The following TDP1 variants were observed in gnomAD, a reference collection of about 807,000 sequenced individuals.
TDP1 encodes tyr-DNA phosphodiesterase 1.
TDP1 carries 64 observed loss-of-function variants against 81.5 expected under a neutral mutation model. The ratio of observed to expected loss-of-function variants is 0.79; its 90% CI spans 0.64 to 0.97. TDP1 has a LOEUF of 0.97. Ranked by LOEUF, TDP1 falls within the 50% of genes least tolerant of loss-of-function variation. TDP1 has a pLI of 0.00. For missense variants in TDP1, 723 were observed against 743.8 expected (o/e 0.97, Z 0.33); for synonymous variants, 256 against 264.3 (o/e 0.97, Z 0.30).
intron 14 of TDP1, among the ~76,000 whole-genome samples, chr14:90,002,257 T>C (rs1468447681): frequency 6.6e-6 from 1 of 152,160 alleles, no homozygotes; most frequent in Non-Finnish European, 1.5e-5. Context: ...TCATCCAGCA[T>C]ATTATGGAGG....
intron 14 of TDP1, among the ~76,000 whole-genome samples, chr14:90,015,137 G>A (rs957105896): frequency 8.5e-5 from 13 of 152,154 alleles, no homozygotes; most frequent in African/African-American, 3.1e-4. Context: ...TCTGGATATA[G>A]GAACCTAAAG....
At chr14:90,036,034 G>A (rs539994044) in intron 16 of TDP1, among the ~76,000 whole-genome samples, 44 of 152,166 alleles carry the variant, frequency 2.9e-4, no homozygotes, top group Non-Finnish European at 5.9e-4. Context: ...ACCATGGAAT[G>A]AGAAATCTTT....
rs1341125665 is a variant in TDP1, at chr14:89,967,041, C to T, written c.604-326C>T. ...GGGAAAAGGGATAAATTTATAAATC[C>T]TTTTATTTAAATTAATCTCAGGGCC... On this transcript the variant is annotated intron_variant, in intron 4 of 16. Transcript: ENST00000335725. 4 of 984,440 alleles carry T rather than the reference C, an allele frequency of 4.1e-6. No homozygotes were observed. The African/African-American group carries it at 7.0e-5, about 17-fold the overall frequency. 61.0% of individuals were successfully genotyped at this position (984,440 alleles called of 1,614,324 possible). A position where few individuals can be genotyped will look rare whatever the true frequency, so the allele number is the denominator to read the frequency against.
In TDP1 at chr14:90,022,784, T is replaced by C. The variant is rs1326823250; in HGVS notation, c.1644+3366T>C. The C allele has an allele frequency of 3.0e-6, 3 of 985,028 alleles. No individual in the cohort carries two copies. In the East Asian group the frequency reaches 3.4e-4, roughly 112 times the overall value. 61.0% of individuals were successfully genotyped at this position (985,028 alleles called of 1,614,324 possible). A position where few individuals can be genotyped will look rare whatever the true frequency, so the allele number is the denominator to read the frequency against. Reference sequence around the variant, plus strand: ...TGCTTGGCCTTCACAAAATTAACATTGATGGTTTTGACCTTGAGGATGACC... The same window carrying C: ...TGCTTGGCCTTCACAAAATTAACATCGATGGTTTTGACCTTGAGGATGACC... On this transcript the variant is annotated intron_variant, in intron 15 of 16. Transcript: ENST00000335725.
chr14:90,029,293 G>T (rs1319033064), intron 15 of TDP1, among the ~76,000 whole-genome samples: 1 of 151,042 alleles, frequency 6.6e-6, no homozygotes, highest in African/African-American at 2.5e-5. Flanking sequence ...CGCCTTCTGG[G>T]TTCAAGTGAT....
At chr14:90,026,584 A>G (rs192787932) in intron 15 of TDP1, among the ~76,000 whole-genome samples, 3 of 152,248 alleles carry the variant, frequency 2.0e-5, no homozygotes, top group East Asian at 1.9e-4. Context: ...TACATTAGGT[A>G]TATCTCCTAA....
chr14:89,970,485 A>G lies in TDP1; in HGVS notation c.660-690A>G, dbSNP rs142140922. On this transcript the variant is annotated intron_variant, in intron 5 of 16. Coordinates refer to ENST00000335725, the MANE Select transcript of TDP1 (RefSeq NM_018319.4). ...GAAATGAATCCACCGTGTGGTCCAA[A>G]AGAAAAAGCAAAAAGCACTATATTA... 3.2e-4 allele frequency among the ~76,000 whole-genome samples: 48 copies of G among 152,214 alleles called. No individual in the cohort carries two copies. In the East Asian group the frequency reaches 7.2e-3, roughly 23 times the overall value.
upstream of TDP1, chr14:89,955,021 C>A (rs999369243): frequency 9.4e-6 from 3 of 319,140 alleles, no homozygotes; most frequent in Non-Finnish European, 1.7e-5. Flanking sequence ...TTCATTCTCT[C>A]CCTCCATCTT....
intron 13 of TDP1, among the ~76,000 whole-genome samples, chr14:89,992,237 G>A (rs1460306513): frequency 6.6e-6 from 1 of 152,210 alleles, no homozygotes; most frequent in African/African-American, 2.4e-5. Flanking sequence ...AAGACAAATA[G>A]AAGATCATGT....
chr14:90,021,543 C>T (rs1056398119), intron 15 of TDP1, among the ~76,000 whole-genome samples: 3 of 152,218 alleles, frequency 2.0e-5, no homozygotes, highest in Non-Finnish European at 4.4e-5. Flanking sequence ...TCCAGGTCCT[C>T]TAAACCCTTC....
chr14:90,029,194 A>ATTTTTTTT (rs539198642), intron 15 of TDP1, among the ~76,000 whole-genome samples: 2 of 116,214 alleles, frequency 1.7e-5, no homozygotes, highest in African/African-American at 3.2e-5. Context: ...CCCTGCCATT[A>ATTTTTTTT]TTTTTTTTTT....
intron 6 of TDP1, among the ~76,000 whole-genome samples, chr14:89,972,925 C>T (rs1030042814): frequency 6.6e-6 from 1 of 152,068 alleles, no homozygotes; most frequent in Non-Finnish European, 1.5e-5. Flanking sequence ...TTTTTTTTCT[C>T]ATTTTCCTTC....
intron 14 of TDP1, among the ~76,000 whole-genome samples, chr14:90,005,159 C>T (rs1897550642): frequency 6.6e-6 from 1 of 152,164 alleles, no homozygotes. Flanking sequence ...TCCATCTGCT[C>T]TGCAGCCACA....
At chr14:90,028,911 GAGCTAAAGA>G (rs1328304549) in intron 15 of TDP1, among the ~76,000 whole-genome samples, 4 of 152,112 alleles carry the variant, frequency 2.6e-5, no homozygotes. Context: ...GGACTAATAG[GAGCTAAAGA>G]AGAGAGAAGT....
intron 15 of TDP1, chr14:90,023,195 G>A (rs1383538121): frequency 5.3e-5 from 36 of 675,940 alleles, no homozygotes; most frequent in South Asian, 4.7e-4. Context: ...TGGTCTGCCC[G>A]GGGGGCTTGG....
At chr14:90,002,644 C>T (rs1019078639) in intron 14 of TDP1, among the ~76,000 whole-genome samples, 1 of 150,388 alleles carries the variant, frequency 6.6e-6, no homozygotes, top group Non-Finnish European at 1.5e-5. Flanking sequence ...CCAAGGCGAT[C>T]GGATCACTTG....
chr14:90,013,297 C>T (rs1235877560), intron 14 of TDP1, among the ~76,000 whole-genome samples: 1 of 152,122 alleles, frequency 6.6e-6, no homozygotes, highest in Non-Finnish European at 1.5e-5. Flanking sequence ...TGTGTCCTCA[C>T]CCAAATGTCA....
At chr14:89,990,535 A>G (rs1896057806) in intron 12 of TDP1, among the ~76,000 whole-genome samples, 2 of 132,492 alleles carry the variant, frequency 1.5e-5, no homozygotes, top group Admixed American at 7.7e-5. Context: ...TAGCGTTTGG[A>G]GTGTATTAGC....
chr14:89,990,874 A>G (rs913310514), intron 12 of TDP1, among the ~76,000 whole-genome samples: 11 of 152,036 alleles, frequency 7.2e-5, no homozygotes, highest in South Asian at 4.2e-4. Context: ...CTGATAATCC[A>G]CTGTGGAGTT....
Sources: gnomAD v4.1 joint callset for allele counts (sites outside exome capture counted in the v4.1 genomes callset) on GRCh38, gnomAD v4.1.1 for gene constraint, MANE v1.5 for transcripts, NCBI Gene and HGNC (gene_info 2026-07-23, HGNC 2026-07-21) for gene names.